LONRF1: variants seen among roughly 807,000 people sequenced by gnomAD.
LONRF1 encodes LON peptidase N-terminal domain and RING finger protein 1.
A neutral mutation model predicts 85.8 loss-of-function variants in LONRF1; 37 were observed. The ratio of observed to expected loss-of-function variants is 0.43; its 90% CI spans 0.33 to 0.57. The LOEUF is 0.57. Among genes scored for constraint, LONRF1 ranks in the 20% least tolerant of loss-of-function variants. LONRF1 has a pLI of 0.04. For missense variants in LONRF1, 1,036 were observed against 978.0 expected, an observed-to-expected ratio of 1.06 and a Z score of -0.79; for synonymous variants, 517 against 390.1, an observed-to-expected ratio of 1.33 and a Z score of -3.83.
At chr8:12,743,429 A>G in intron 1 of LONRF1, 147 bp from the exon 2 acceptor site, 2 of 581,432 alleles carry the variant, frequency 3.4e-6, no homozygotes, top group Admixed American at 3.3e-5. Context: ...AAGGCAGTAT[A>G]GGCACAACCC....
intron 1 of LONRF1, 30 bp from the exon 2 acceptor site, chr8:12,743,312 T>G (rs1799014532): frequency 7.9e-7 from 1 of 1,269,172 alleles, no homozygotes; most frequent in Non-Finnish European, 1.1e-6. Flanking sequence ...AGGATATGAT[T>G]ATTTTTAAAA....
chr8:12,726,017 T>G (rs943340160), intron 10 of LONRF1, 138 bp from the exon 11 acceptor site: 5 of 716,004 alleles, frequency 7.0e-6, no homozygotes, highest in South Asian at 2.0e-5. Flanking sequence ...GAGAGTATTA[T>G]TCCTATGCTT....
In LONRF1 at chr8:12,736,800, A is replaced by G. The variant is rs1798733348; in HGVS notation, c.1355-3T>C. ...CATACAGACTTCATTGGGAGTTTCT[A>G]TTAAAACAAAGACATGGGGTTTTCT... is the stretch of plus-strand genomic sequence containing the variant. On this transcript the variant is annotated splice_polypyrimidine_tract_variant and splice_region_variant and intron_variant, in intron 5 of 11. Transcript: ENST00000398246. 2 of 1,600,646 alleles carry G rather than the reference A, an allele frequency of 1.2e-6. No individual in the cohort carries two copies. Among genetic ancestry groups the G allele is most frequent in the Non-Finnish European group, 1.7e-6 (2 of 1,174,474 alleles).
intron 1 of LONRF1, among the ~76,000 whole-genome samples, chr8:12,746,522 TATG>T (rs2117325272): frequency 6.6e-6 from 1 of 152,310 alleles, no homozygotes; most frequent in East Asian, 1.9e-4. Flanking sequence ...CTCCACAATT[TATG>T]ATAACCACTA....
intron 1 of LONRF1, among the ~76,000 whole-genome samples, chr8:12,745,866 A>T (rs896918406): frequency 1.3e-5 from 2 of 152,168 alleles, no homozygotes; most frequent in Admixed American, 6.5e-5. Context: ...TCTTGTACCC[A>T]TATCTACCAG....
chr8:12,728,808 TG>T (rs1798418903), intron 10 of LONRF1, 92 bp downstream of exon 10: 2 of 1,394,688 alleles, frequency 1.4e-6, no homozygotes. Context: ...TGATAAGAAC[TG>T]GTTCATGCAC....
rs997067866 is a variant in LONRF1, at chr8:12,739,352, A to G, written c.964-1208T>C. On this transcript the variant is annotated intron_variant, in intron 3 of 11. Coordinates refer to ENST00000398246, the MANE Select transcript of LONRF1 (RefSeq NM_152271.5). ...AAAAATATGTTCAGCAAAAAAAAAA[A>G]AAAAAAACAAACCCAGACACAAAAC... Among the ~76,000 whole-genome samples the G allele has an allele frequency of 1.3e-4, 20 of 151,816 alleles. 1 individual carries two copies. In the East Asian group the frequency reaches 3.7e-3, roughly 28 times the overall value.
At chr8:12,749,961 T>C (rs146320354) in intron 1 of LONRF1, among the ~76,000 whole-genome samples, 1 of 152,230 alleles carries the variant, frequency 6.6e-6, no homozygotes, top group Non-Finnish European at 1.5e-5. Flanking sequence ...TGGTATATAG[T>C]AGCTACTCAA....
chr8:12,744,412 CAT>C (rs1478432817), intron 1 of LONRF1, among the ~76,000 whole-genome samples: 1 of 152,062 alleles, frequency 6.6e-6, no homozygotes, highest in African/African-American at 2.4e-5. Flanking sequence ...TAAAAAAAGA[CAT>C]GTCTAGAATA....
At chr8:12,745,321 GA>G (rs36196945) in intron 1 of LONRF1, among the ~76,000 whole-genome samples, 2,348 of 122,164 alleles carry the variant, frequency 0.019, 45 homozygotes, top group African/African-American at 0.059. Flanking sequence ...TATTTTTTTG[GA>G]AAAAAAAAAA....
At chr8:12,745,015 C>T (rs754367837) in intron 1 of LONRF1, among the ~76,000 whole-genome samples, 89 of 152,098 alleles carry the variant, frequency 5.9e-4, no homozygotes, top group Middle Eastern at 3.4e-3. Flanking sequence ...AGTTTCTTTA[C>T]GGCAGCAGTG....
Position 12,728,908 on chromosome 8 carries a change from T to C in LONRF1, c.2003A>G (p.Asp668Gly). 1.2e-6 allele frequency: 2 copies of C among 1,613,862 alleles called. No individual in the cohort carries two copies. Among genetic ancestry groups the C allele is most frequent in the Non-Finnish European group, 1.7e-6 (2 of 1,179,808 alleles). The change falls in exon 10 of 12, where the codon GAT becomes GGT. Residue 668 changes from aspartate (D) to glycine (G), a missense_variant. Physicochemically the swap from Asp to Gly is moderately conservative, Grantham distance 94. This residue lies in a region of LONRF1 where 265 missense variants were observed against 301.5 expected (regional missense o/e 0.88). Transcript: ENST00000398246. ...YCTADIEYLE[D>G]VKVENEDEIK... ...AAGCACATTTTAAAATACCTTAACA[T>C]CTTCCAGATATTCAATGTCGGCAGT...
intron 4 of LONRF1, 78 bp downstream of exon 4, chr8:12,737,917 G>C (rs1464749993): frequency 2.1e-6 from 3 of 1,456,198 alleles, no homozygotes; most frequent in Non-Finnish European, 2.8e-6. Flanking sequence ...GCTAGTACTT[G>C]AAACTAGGAA....
At chr8:12,727,637 T>A (rs1254892120) in intron 10 of LONRF1, among the ~76,000 whole-genome samples, 1 of 152,178 alleles carries the variant, frequency 6.6e-6, no homozygotes. Context: ...AGTGATTTTG[T>A]CATCAAATCC....
At position 12,737,036 on chromosome 8, in the gene LONRF1, G is replaced by C. The variant is rs1336600104; in HGVS notation, c.1218C>G (p.Asp406Glu). Residue 406 changes from aspartate to glutamate, a missense_variant, in exon 5 of 12, where the codon GAC becomes GAG. Physicochemically the swap from Asp to Glu is conservative, Grantham distance 45. Transcript: ENST00000398246. The part of the protein sequence containing the change: ...INSTEMPARE[D>E]CLKRVSSEPV... ...GTTCTGAGGACACTCTTTTTAAACA[G>C]TCCTCTCTGGCAGGCATTTCTGTTG... 6.2e-7 allele frequency: 1 copy of C among 1,613,534 alleles called. No homozygotes were observed. The highest frequency in any genetic ancestry group is 8.5e-7 in the Non-Finnish European group (1 of 1,179,730).
chr8:12,723,343 G>C, intron 11 of LONRF1, 89 bp from the exon 12 acceptor site: 1 of 1,243,504 alleles, frequency 8.0e-7, no homozygotes, highest in Non-Finnish European at 1.1e-6. Flanking sequence ...TATTTATTGA[G>C]CACTTGTACT....
Position 12,729,012 on chromosome 8 carries a change from C to G in LONRF1, c.1899G>C (p.Pro633=), listed in dbSNP as rs373957521. ...MLQIRNVHFL[P]DGRSVVDTVG... ...CTGTATCAACCACAGACCTTCCGTCCGGTAAGAAATGCACGTTTCTAATTT... is the reference window on the plus strand; with the variant it reads ...CTGTATCAACCACAGACCTTCCGTCGGGTAAGAAATGCACGTTTCTAATTT... Residue 633 remains proline, a synonymous_variant, in exon 10 of 12, where the codon CCG becomes CCC. Coordinates refer to ENST00000398246, the MANE Select transcript of LONRF1 (RefSeq NM_152271.5). 2.0e-5 allele frequency: 33 copies of G among 1,613,868 alleles called. No individual in the cohort carries two copies. In the African/African-American group the frequency reaches 3.7e-4, roughly 18 times the overall value.
chr8:12,752,722 A>C (rs1471988192), intron 1 of LONRF1, among the ~76,000 whole-genome samples: 2 of 152,254 alleles, frequency 1.3e-5, no homozygotes, highest in Non-Finnish European at 1.5e-5. Context: ...ACAGAATGTT[A>C]AGCTAGACCT....
rs1410402420 is a variant in LONRF1, at chr8:12,725,601, G to C, written c.2163+126C>G. The C allele has an allele frequency of 5.9e-6, 5 of 841,952 alleles. No homozygotes were observed. The African/African-American group carries it at 6.8e-5, about 12-fold the overall frequency. 52.2% of individuals were successfully genotyped at this position (841,952 alleles called of 1,614,324 possible). ...ATGATTGCAAAGATGAGGTGGGGCT[G>C]GTGCGGGGGAGGGGACAGTCAAAGA... On this transcript the variant is annotated intron_variant, in intron 11 of 11. Transcript: ENST00000398246.
Sources: gnomAD v4.1 joint callset for allele counts (sites outside exome capture counted in the v4.1 genomes callset) on GRCh38, gnomAD v4.1.1 for gene constraint, gnomAD v4.1.1 regional missense constraint, MANE v1.5 for transcripts, NCBI Gene and HGNC (gene_info 2026-07-23, HGNC 2026-07-21) for gene names.